ARL15: variants seen among roughly 807,000 people sequenced by gnomAD.
The protein encoded by ARL15 is ADP-ribosylation factor-like protein 15.
Under a neutral mutation model 25.2 loss-of-function variants are expected in ARL15, and 19 were observed. That is an observed-to-expected ratio of 0.75 (90% CI 0.53 to 1.10). The LOEUF is 1.10. ARL15 is among the 50% of genes least tolerant of loss of function. ARL15 has a pLI of 0.00. For missense variants in ARL15, 220 were observed against 246.0 expected, an observed-to-expected ratio of 0.89 and a Z score of 0.71; for synonymous variants, 94 against 86.8, an observed-to-expected ratio of 1.08 and a Z score of -0.46.
At chr5:54,177,815 C>T (rs1485686177) in intron 1 of ARL15, among the ~76,000 whole-genome samples, 1 of 152,152 alleles carries the variant, frequency 6.6e-6, no homozygotes, top group Non-Finnish European at 1.5e-5. Context: ...AATAAAAGTT[C>T]CTCCCCACTT....
At chr5:54,015,314 A>AAAACAAAC (rs530643976) in intron 4 of ARL15, among the ~76,000 whole-genome samples, 3 of 151,808 alleles carry the variant, frequency 2.0e-5, no homozygotes, top group Non-Finnish European at 4.4e-5. Flanking sequence ...AACAAAAACA[A>AAAACAAAC]AAACAAACAA....
intron 4 of ARL15, among the ~76,000 whole-genome samples, chr5:54,045,622 G>A (rs529837103): frequency 5.3e-5 from 8 of 151,190 alleles, no homozygotes; most frequent in African/African-American, 1.9e-4. Context: ...ACCTTAACAT[G>A]GCTATCATTT....
chr5:54,269,642 TTTTTTA>T (rs1186670225), intron 1 of ARL15, among the ~76,000 whole-genome samples: 1 of 152,188 alleles, frequency 6.6e-6, no homozygotes, highest in African/African-American at 2.4e-5. Flanking sequence ...ATTTTTTAAT[TTTTTTA>T]TTTTTAATTT....
At chr5:53,965,256 C>G (rs1747512209) in intron 4 of ARL15, among the ~76,000 whole-genome samples, 1 of 152,044 alleles carries the variant, frequency 6.6e-6, no homozygotes, top group African/African-American at 2.4e-5. Context: ...AGTGTTTAAT[C>G]AAATGATATA....
At chr5:53,902,424 C>T (rs1421680812) in intron 4 of ARL15, among the ~76,000 whole-genome samples, 2 of 152,168 alleles carry the variant, frequency 1.3e-5, no homozygotes, top group Non-Finnish European at 2.9e-5. Context: ...ATGTTGAAGG[C>T]ACAAATATCT....
chr5:54,036,116 C>T (rs1053748696), intron 4 of ARL15, among the ~76,000 whole-genome samples: 2 of 151,396 alleles, frequency 1.3e-5, no homozygotes, highest in African/African-American at 4.9e-5. Context: ...CACCAATGCA[C>T]TCCAGTCTGG....
At chr5:54,128,831 G>A (rs963646191) in intron 3 of ARL15, among the ~76,000 whole-genome samples, 30 of 149,082 alleles carry the variant, frequency 2.0e-4, no homozygotes, top group African/African-American at 7.1e-4. Flanking sequence ...TCAGCCTCCC[G>A]AGTAGCTGGG....
At chr5:54,302,511 A>T (rs1483436005) in intron 1 of ARL15, among the ~76,000 whole-genome samples, 3 of 152,114 alleles carry the variant, frequency 2.0e-5, no homozygotes, top group Non-Finnish European at 2.9e-5. Flanking sequence ...ACCAGACACT[A>T]GACTAGATTC....
intron 4 of ARL15, among the ~76,000 whole-genome samples, chr5:54,027,192 T>C (rs1749808175): frequency 6.6e-6 from 1 of 152,232 alleles, no homozygotes; most frequent in South Asian, 2.1e-4. Context: ...AAATGAATTA[T>C]CCAGGATTTC....
At chr5:54,103,437 C>T (rs547813905) in intron 4 of ARL15, among the ~76,000 whole-genome samples, 31 of 151,928 alleles carry the variant, frequency 2.0e-4, no homozygotes, top group African/African-American at 4.3e-4. Flanking sequence ...TATCAATCCT[C>T]GAAGTGGTAA....
At chr5:53,887,418 T>C (rs1261485038) in intron 4 of ARL15, 1 of 699,640 alleles carries the variant, frequency 1.4e-6, no homozygotes. Context: ...ATAATAGGTA[T>C]GTGCTGAAAA....
At chr5:54,089,845 C>A (rs1035067291) in intron 4 of ARL15, among the ~76,000 whole-genome samples, 1 of 152,120 alleles carries the variant, frequency 6.6e-6, no homozygotes, top group Non-Finnish European at 1.5e-5. Context: ...TCTAGGTTTT[C>A]TGGCTACAAA....
rs938852832 is a variant in ARL15, at chr5:54,121,734, C to T, written c.254-8324G>A. On this transcript the variant is annotated intron_variant, in intron 3 of 4. Transcript: ENST00000504924. Reference sequence around the variant, plus strand: ...GCATGGACTCTTACTGAGTTCAAAGCCTGGCTCTGCCACATATCATCTAAG... The same window carrying T: ...GCATGGACTCTTACTGAGTTCAAAGTCTGGCTCTGCCACATATCATCTAAG... Among the ~76,000 whole-genome samples, 3 of 152,120 alleles carry T rather than the reference C, an allele frequency of 2.0e-5. No homozygotes were observed. In the East Asian group the frequency reaches 5.8e-4, roughly 29 times the overall value.
At chr5:54,309,417 A>C (rs1758839592) in intron 1 of ARL15, among the ~76,000 whole-genome samples, 1 of 152,242 alleles carries the variant, frequency 6.6e-6, no homozygotes, top group African/African-American at 2.4e-5. Context: ...GTACAGCCTT[A>C]AGTGTAATTC....
chr5:54,156,696 T>C (rs1405573035), intron 2 of ARL15, among the ~76,000 whole-genome samples: 1 of 152,244 alleles, frequency 6.6e-6, no homozygotes, highest in African/African-American at 2.4e-5. Context: ...TTGGGCCCTC[T>C]AACAATCTTC....
intron 1 of ARL15, among the ~76,000 whole-genome samples, chr5:54,300,427 G>C (rs1269202674): frequency 1.3e-5 from 2 of 152,210 alleles, no homozygotes; most frequent in Non-Finnish European, 2.9e-5. Context: ...TGCCAGGCAT[G>C]TGTATGAAGC....
chr5:53,977,714 T>A (rs375050674), intron 4 of ARL15, among the ~76,000 whole-genome samples: 7 of 152,274 alleles, frequency 4.6e-5, no homozygotes, highest in African/African-American at 1.7e-4. Flanking sequence ...ATGATGAAAT[T>A]AGAGCAGAAA....
chr5:54,054,375 G>C (rs1326737914), intron 4 of ARL15, among the ~76,000 whole-genome samples: 1 of 152,140 alleles, frequency 6.6e-6, no homozygotes, highest in African/African-American at 2.4e-5. Flanking sequence ...CTTTCTGAAA[G>C]AAAAATCTGG....
chr5:54,157,404 T>A (rs1308206369), intron 2 of ARL15, among the ~76,000 whole-genome samples: 1 of 152,060 alleles, frequency 6.6e-6, no homozygotes, highest in Admixed American at 6.6e-5. Context: ...ATCCTAGCAA[T>A]GTTATTTTAT....
Sources: gnomAD v4.1 joint callset for allele counts (sites outside exome capture counted in the v4.1 genomes callset) on GRCh38, gnomAD v4.1.1 for gene constraint, MANE v1.5 for transcripts, NCBI Gene and HGNC (gene_info 2026-07-23, HGNC 2026-07-21) for gene names.